NUP153: variants seen among roughly 807,000 people sequenced by gnomAD.
NUP153 encodes nuclear pore complex protein Nup153.
A neutral mutation model predicts 134.6 loss-of-function variants in NUP153; 27 were observed. The observed-to-expected ratio is 0.20, with a 90% CI of 0.15 to 0.28. NUP153 has a LOEUF of 0.28. Ranked by LOEUF, NUP153 falls within the 10% of genes least tolerant of loss-of-function variation. The probability of loss-of-function intolerance (pLI) is 1.00; values close to 1 mark genes in which losing one functional copy is unlikely to be tolerated. For synonymous variants in NUP153, 640 were observed against 623.5 expected, an observed-to-expected ratio of 1.03 and a Z score of -0.40; for missense variants, 1,821 against 1,731.3, an observed-to-expected ratio of 1.05 and a Z score of -0.92.
In NUP153 at chr6:17,688,410, A is replaced by G; in HGVS notation, c.320T>C (p.Val107Ala). ...TDGRITPEPA[V>A]SNTEEPSTTS... Reference sequence around the variant, plus strand: ...ATTTTACTTACCTTCTGTATTACTGACTGCTGGCTCAGGTGTGATTCTCCC... The same window carrying G: ...ATTTTACTTACCTTCTGTATTACTGGCTGCTGGCTCAGGTGTGATTCTCCC... Residue 107 changes from valine (V) to alanine (A), a missense_variant, in exon 2 of 22, where the codon GTC becomes GCC. By Grantham distance (64) the Val-to-Ala change is moderately conservative. Coordinates refer to ENST00000262077, the MANE Select transcript of NUP153 (RefSeq NM_005124.4). 1 of 1,613,490 alleles carries G rather than the reference A, an allele frequency of 6.2e-7. No homozygotes were observed. Among genetic ancestry groups the G allele is most frequent in the Non-Finnish European group, 8.5e-7 (1 of 1,179,404 alleles).
Position 17,646,136 on chromosome 6 carries a change from C to A in NUP153, c.1651G>T (p.Val551Leu). The change falls in exon 14 of 22, where the codon GTG becomes TTG. Residue 551 changes from valine to leucine, a missense_variant. Coordinates refer to ENST00000262077, the MANE Select transcript of NUP153 (RefSeq NM_005124.4). The part of the protein sequence containing the change: ...PPSSIGFTFS[V>L]PVAKTAELSG... Reference sequence around the variant, plus strand: ...AGTTCTGCTGTTTTTGCAACAGGCACACTAAATGTAAATCCAATCTGTAAA... The same window carrying A: ...AGTTCTGCTGTTTTTGCAACAGGCAAACTAAATGTAAATCCAATCTGTAAA... 1 of 1,590,148 alleles carries A rather than the reference C, an allele frequency of 6.3e-7. No homozygotes were observed. The highest frequency in any genetic ancestry group is 2.2e-5 in the East Asian group (1 of 44,712).
In NUP153 at chr6:17,647,670, GTTTTT is replaced by G. The variant is rs369614968; in HGVS notation, c.1632+132_1632+136del. 8.8e-4 allele frequency: 540 copies of G among 617,136 alleles called. 13 individuals carry two copies. The South Asian group carries it at 9.4e-3, about 11-fold the overall frequency. The allele number at this position is 617,136 out of a possible 1,614,324, so 38.2% of individuals were successfully genotyped here. ...GTGAAGAATACATGATTGTTCAAAA[GTTTTT>G]TACACAGAGTATTTTTTAAGTTGGA... is the stretch of plus-strand genomic sequence containing the variant. On this transcript the variant is annotated intron_variant, in intron 13 of 21. Coordinates refer to ENST00000262077, the MANE Select transcript of NUP153 (RefSeq NM_005124.4).
intron 11 of NUP153, among the ~76,000 whole-genome samples, chr6:17,653,899 T>C (rs1402675014): frequency 4.6e-5 from 7 of 152,222 alleles, no homozygotes; most frequent in South Asian, 2.1e-4. Context: ...TTTGCTATGT[T>C]ATAAAAAGAA....
At chr6:17,642,621 G>T (rs761216829) in intron 14 of NUP153, among the ~76,000 whole-genome samples, 3 of 152,218 alleles carry the variant, frequency 2.0e-5, no homozygotes, top group Non-Finnish European at 4.4e-5. Flanking sequence ...GTGGAAAACA[G>T]TTTAGTGATT....
chr6:17,694,433 C>T (rs934246392), intron 1 of NUP153, among the ~76,000 whole-genome samples: 18 of 152,058 alleles, frequency 1.2e-4, no homozygotes, highest in African/African-American at 3.6e-4. Flanking sequence ...CCGACGCGGG[C>T]GGATTACCTG....
rs577806318 is a variant in NUP153 at position 17,648,956 on chromosome 6, C to T, written c.1533+207G>A. On this transcript the variant is annotated intron_variant, in intron 12 of 21. Transcript: ENST00000262077. ...AAGAATATCCTTCTCTATGGTATTG[C>T]ATAAGAGTTGAGGAACACTCCATTA... is the stretch of plus-strand genomic sequence containing the variant. Among the ~76,000 whole-genome samples, 10 of 152,254 alleles carry T rather than the reference C, an allele frequency of 6.6e-5. No homozygotes were observed. The East Asian group carries it at 1.9e-3, about 29-fold the overall frequency.
chr6:17,674,433 A>C (rs1252319539), intron 5 of NUP153, among the ~76,000 whole-genome samples: 1 of 152,192 alleles, frequency 6.6e-6, no homozygotes, highest in Non-Finnish European at 1.5e-5. Context: ...AAATGAAAAA[A>C]ATATAACCCA....
chr6:17,681,866 C>A (rs996855417), intron 2 of NUP153, among the ~76,000 whole-genome samples: 2 of 151,996 alleles, frequency 1.3e-5, no homozygotes, highest in African/African-American at 4.8e-5. Context: ...TAACTCTTGG[C>A]AGACATCAAC....
chr6:17,616,723 A>C (rs1764354752), intron 20 of NUP153, 28 bp from the exon 21 acceptor site: 2 of 1,590,804 alleles, frequency 1.3e-6, no homozygotes, highest in South Asian at 2.2e-5. Context: ...GAAATACTTC[A>C]TTAGGGCAAA....
chr6:17,657,001 T>G (rs1014008823), intron 11 of NUP153, among the ~76,000 whole-genome samples: 2 of 152,218 alleles, frequency 1.3e-5, no homozygotes, highest in African/African-American at 4.8e-5. Flanking sequence ...AAGCTGTTTC[T>G]TATCTGCCAT....
chr6:17,648,488 G>A (rs140853655), intron 12 of NUP153, among the ~76,000 whole-genome samples: 2,937 of 152,072 alleles, frequency 0.019, 94 homozygotes, highest in African/African-American at 0.066. Context: ...ATGGTGGTGC[G>A]CACCTGTAAT....
At chr6:17,676,840 G>A (rs1200656443) in intron 2 of NUP153, among the ~76,000 whole-genome samples, 7 of 152,174 alleles carry the variant, frequency 4.6e-5, no homozygotes. Context: ...TGTGCAGAGA[G>A]GGTCTCCCAG....
At chr6:17,701,805 C>T (rs899179181) in intron 1 of NUP153, among the ~76,000 whole-genome samples, 1 of 129,632 alleles carries the variant, frequency 7.7e-6, no homozygotes, top group Non-Finnish European at 1.6e-5. Context: ...TGCACTCCAG[C>T]CTGGGCAACA....
intron 12 of NUP153, 31 bp downstream of exon 12, chr6:17,649,132 T>C: frequency 6.4e-7 from 1 of 1,560,392 alleles, no homozygotes; most frequent in South Asian, 1.2e-5. Context: ...AAAGAACAAA[T>C]GTCACCTGTA....
intron 2 of NUP153, among the ~76,000 whole-genome samples, chr6:17,681,723 A>G (rs1207716429): frequency 6.6e-6 from 1 of 152,230 alleles, no homozygotes; most frequent in Admixed American, 6.5e-5. Context: ...ACATAGGTTG[A>G]AATGTTTCCC....
At position 17,640,031 on chromosome 6, in the gene NUP153, C is replaced by A; in HGVS notation, c.1754G>T (p.Cys585Phe). Reference sequence around the variant, plus strand: ...ACAATCTTCAGGTGGTGTCTTCTTACAATTTGTACTGTTCACTGTAGTGAC... The same window carrying A: ...ACAATCTTCAGGTGGTGTCTTCTTAAAATTTGTACTGTTCACTGTAGTGAC... ...HHVTTVNSTNCKKTPPEDCEG... is the reference protein window; with the variant it reads ...HHVTTVNSTNFKKTPPEDCEG... The change falls in exon 15 of 22, where the codon TGT becomes TTT. Residue 585 changes from cysteine (C) to phenylalanine (F), a missense_variant. Cys to Phe is a radical substitution (Grantham distance 205). Transcript: ENST00000262077. 3.1e-6 allele frequency: 5 copies of A among 1,610,880 alleles called. No individual in the cohort carries two copies. The highest frequency in any genetic ancestry group is 4.2e-6 in the Non-Finnish European group (5 of 1,178,260).
intron 20 of NUP153, among the ~76,000 whole-genome samples, chr6:17,618,112 T>C (rs1430949609): frequency 3.3e-5 from 5 of 152,168 alleles, no homozygotes; most frequent in African/African-American, 7.2e-5. Flanking sequence ...GGAGACTGGA[T>C]GCATCTTCTT....
intron 11 of NUP153, among the ~76,000 whole-genome samples, chr6:17,658,271 C>T (rs560935710): frequency 6.6e-6 from 1 of 152,328 alleles, no homozygotes; most frequent in African/African-American, 2.4e-5. Context: ...TGGCACATGC[C>T]TGTAATCACA....
In NUP153 at chr6:17,652,897, C is replaced by T. The variant is rs371206009; in HGVS notation, c.1396-3597G>A. On this transcript the variant is annotated intron_variant, in intron 11 of 21. Transcript: ENST00000262077. ...AAAAAAAATTAGCTGGGCGTGGTGG[C>T]GCACACCTGTAATCCCAGCTACTAG... 2.6e-5 allele frequency among the ~76,000 whole-genome samples: 4 copies of T among 151,822 alleles called. No individual in the cohort carries two copies. The East Asian group carries it at 5.8e-4, about 22-fold the overall frequency.
Sources: allele counts gnomAD v4.1 joint callset (sites outside exome capture counted in the v4.1 genomes callset), GRCh38; gene constraint gnomAD v4.1.1; transcripts MANE v1.5; gene names NCBI Gene and HGNC (gene_info 2026-07-23, HGNC 2026-07-21).